The following CRYL1 variants were observed in gnomAD, a reference collection of about 807,000 sequenced individuals.
CRYL1 encodes crystallin lambda 1, also known as lambda-crystallin homolog.
CRYL1 carries 29 observed loss-of-function variants against 36.6 expected under a neutral mutation model. The observed-to-expected ratio is 0.79, with a 90% confidence interval of 0.59 to 1.08. CRYL1 has a LOEUF of 1.08. CRYL1 is among the 50% of genes least tolerant of loss of function. CRYL1 has a pLI of 0.00. For missense variants in CRYL1, 411 were observed against 407.9 expected (o/e 1.01, Z -0.06); for synonymous variants, 152 against 151.5 (o/e 1.00, Z -0.02).
At chr13:20,505,903 G>A (rs1286355696) in intron 2 of CRYL1, among the ~76,000 whole-genome samples, 2 of 152,112 alleles carry the variant, frequency 1.3e-5, no homozygotes, top group Admixed American at 6.5e-5. Context: ...GGTCATACAC[G>A]GTGTTGCTGT....
chr13:20,421,589 G>A (rs2031817556), intron 5 of CRYL1, among the ~76,000 whole-genome samples: 1 of 152,128 alleles, frequency 6.6e-6, no homozygotes, highest in Non-Finnish European at 1.5e-5. Context: ...AGTGTCATTT[G>A]TCACCTCCCA....
intron 2 of CRYL1, among the ~76,000 whole-genome samples, chr13:20,509,549 C>A (rs1310241792): frequency 6.6e-6 from 1 of 151,768 alleles, no homozygotes; most frequent in Non-Finnish European, 1.5e-5. Context: ...TTAAAAAGTA[C>A]TACTCAAAGA....
intron 5 of CRYL1, among the ~76,000 whole-genome samples, chr13:20,421,785 C>CATTTATTT (rs10624463): frequency 0.039 from 5,837 of 149,526 alleles, 172 homozygotes; most frequent in African/African-American, 0.082. Flanking sequence ...ACAGCATTTT[C>CATTTATTT]ATTTATTTAT....
At chr13:20,430,030 C>A (rs1295036867) in intron 5 of CRYL1, among the ~76,000 whole-genome samples, 1 of 152,112 alleles carries the variant, frequency 6.6e-6, no homozygotes, top group Admixed American at 6.5e-5. Flanking sequence ...TCCCTCTCTG[C>A]CAGCCCTGCC....
At chr13:20,409,979 T>G (rs1036313385) in intron 6 of CRYL1, among the ~76,000 whole-genome samples, 8 of 151,832 alleles carry the variant, frequency 5.3e-5, no homozygotes, top group Admixed American at 3.9e-4. Flanking sequence ...GTGTGGCGAT[T>G]CCTCAGGGAT....
intron 3 of CRYL1, among the ~76,000 whole-genome samples, chr13:20,476,481 C>T (rs1325601448): frequency 6.6e-6 from 1 of 152,182 alleles, no homozygotes; most frequent in Non-Finnish European, 1.5e-5. Flanking sequence ...TTTGATTTCC[C>T]CCAGTGGTTC....
intron 6 of CRYL1, among the ~76,000 whole-genome samples, chr13:20,406,731 G>A (rs537769617): frequency 6.6e-6 from 1 of 151,974 alleles, no homozygotes; most frequent in African/African-American, 2.4e-5. Flanking sequence ...CTTTTGGGGT[G>A]GGGGAGGGCA....
intron 5 of CRYL1, among the ~76,000 whole-genome samples, chr13:20,422,739 C>A (rs768017900): frequency 1.8e-4 from 27 of 152,208 alleles, no homozygotes; most frequent in Non-Finnish European, 3.1e-4. Flanking sequence ...GCCCCACATT[C>A]CAACAGTTTG....
chr13:20,409,090 C>A (rs931341253), intron 6 of CRYL1, among the ~76,000 whole-genome samples: 2 of 152,146 alleles, frequency 1.3e-5, no homozygotes, highest in African/African-American at 4.8e-5. Context: ...CACTACCTGA[C>A]TTCAAGCTAT....
intron 1 of CRYL1, among the ~76,000 whole-genome samples, chr13:20,518,475 G>A (rs1045029694): frequency 6.6e-6 from 1 of 152,138 alleles, no homozygotes; most frequent in Non-Finnish European, 1.5e-5. Context: ...GGGGCGGTGG[G>A]GGGAGAGGAA....
chr13:20,515,882 C>T (rs1427376855), intron 1 of CRYL1: 1 of 152,188 alleles, frequency 6.6e-6, no homozygotes, highest in African/African-American at 2.4e-5. Context: ...CTGAACTGTA[C>T]ACTAAGAACT....
chr13:20,474,681 G>A (rs891071355), intron 3 of CRYL1, among the ~76,000 whole-genome samples: 1 of 152,108 alleles, frequency 6.6e-6, no homozygotes, highest in Non-Finnish European at 1.5e-5. Flanking sequence ...CTCCCAAGCT[G>A]CTCACACTCA....
intron 2 of CRYL1, among the ~76,000 whole-genome samples, chr13:20,505,594 G>A (rs1393741413): frequency 6.6e-6 from 1 of 152,104 alleles, no homozygotes; most frequent in Non-Finnish European, 1.5e-5. Context: ...CGTCCATAAT[G>A]GCTAGTACAG....
chr13:20,438,425 T>C (rs1456979683), intron 4 of CRYL1, among the ~76,000 whole-genome samples: 1 of 152,140 alleles, frequency 6.6e-6, no homozygotes, highest in Non-Finnish European at 1.5e-5. Flanking sequence ...CAAGCAGCAC[T>C]TCCACAACCT....
chr13:20,466,004 C>T (rs1413248578), intron 3 of CRYL1, among the ~76,000 whole-genome samples: 1 of 151,274 alleles, frequency 6.6e-6, no homozygotes, highest in African/African-American at 2.4e-5. Context: ...GTGATCTCTA[C>T]ACACATCAGC....
chr13:20,425,351 T>C lies in CRYL1; in HGVS notation c.633+6751A>G, dbSNP rs982154362. On this transcript the variant is annotated intron_variant, in intron 5 of 7. Coordinates refer to ENST00000298248, the MANE Select transcript of CRYL1 (RefSeq NM_015974.3). The surrounding 1 kb of genome is among the most constrained non-coding windows in gnomAD (Gnocchi z 4.4). ...AGTGCCCGCTTTGTGCTGATTCTCT[T>C]CCAGAGTCGACATCTGAATAACCGT... Among the ~76,000 whole-genome samples the C allele has an allele frequency of 2.0e-5, 3 of 152,188 alleles. No individual in the cohort carries two copies. The highest frequency in any genetic ancestry group is 7.2e-5 in the African/African-American group (3 of 41,436).
intron 6 of CRYL1, among the ~76,000 whole-genome samples, chr13:20,410,077 T>C (rs2031478570): frequency 1.3e-5 from 2 of 152,050 alleles, no homozygotes; most frequent in South Asian, 4.2e-4. Context: ...TAAAGATACA[T>C]GCACACGTAT....
At chr13:20,413,203 A>G in intron 6 of CRYL1, 79 bp downstream of exon 6, 1 of 983,816 alleles carries the variant, frequency 1.0e-6, no homozygotes, top group South Asian at 1.5e-5. Context: ...GTTGTAAGAA[A>G]AGGCAAAATG....
In CRYL1 at chr13:20,481,836, G is replaced by A. The variant is rs562155192; in HGVS notation, c.276+7534C>T. ...TGAGGTAGGAGAATTGCTTTAACCC[G>A]GGAAGCAGAGGTTGCAGTGAATCAA... is the stretch of plus-strand genomic sequence containing the variant. On this transcript the variant is annotated intron_variant, in intron 3 of 7. Coordinates refer to ENST00000298248, the MANE Select transcript of CRYL1 (RefSeq NM_015974.3). This position sits in a 1 kb window ranked among gnomAD's most constrained non-coding sequence, Gnocchi z 4.1. 2.0e-5 allele frequency among the ~76,000 whole-genome samples: 3 copies of A among 152,220 alleles called. No homozygotes were observed. Among genetic ancestry groups the A allele is most frequent in the South Asian group, 2.1e-4 (1 of 4,818 alleles).
Sources: allele counts gnomAD v4.1 joint callset (sites outside exome capture counted in the v4.1 genomes callset), GRCh38; gene constraint gnomAD v4.1.1; non-coding constraint Gnocchi (gnomAD v3.1); transcripts MANE v1.5; gene names NCBI Gene and HGNC (gene_info 2026-07-23, HGNC 2026-07-21).